The following VPS13D variants were observed in gnomAD, a reference collection of about 807,000 sequenced individuals.
The protein encoded by VPS13D is intermembrane lipid transfer protein VPS13D.
A neutral mutation model predicts 461.9 loss-of-function variants in VPS13D; 187 were observed. That is an observed-to-expected ratio of 0.40 (90% CI 0.36 to 0.46). VPS13D has a LOEUF of 0.46. Ranked by LOEUF, VPS13D falls within the 20% of genes least tolerant of loss-of-function variation. VPS13D has a pLI of 0.60. For missense variants in VPS13D, 4,711 were observed against 5,364.9 expected (o/e 0.88, Z 3.81); for synonymous variants, 1,951 against 1,986.3 (o/e 0.98, Z 0.47).
At chr1:12,489,592 A>G (rs1645848398) in intron 67 of VPS13D, among the ~76,000 whole-genome samples, 1 of 152,216 alleles carries the variant, frequency 6.6e-6, no homozygotes, top group African/African-American at 2.4e-5. Flanking sequence ...AGTTTGAAGC[A>G]GTGAGCCTCC....
chr1:12,361,954 G>C (rs1438049614), intron 50 of VPS13D, among the ~76,000 whole-genome samples: 1 of 152,150 alleles, frequency 6.6e-6, no homozygotes, highest in Non-Finnish European at 1.5e-5. Context: ...TGCCTCCCAA[G>C]TTCAAGCAAT....
chr1:12,322,705 A>C lies in VPS13D; in HGVS notation c.7874A>C (p.Glu2625Ala). ...CCAGGTGCATCTCGCGTTGGAGAGG[A>C]AATCAGAGAAGGGACAAGACACACC... is the stretch of plus-strand genomic sequence containing the variant. Reference protein sequence around the residue: ...YLPGASRVGEEIREGTRHTLD... With the variant: ...YLPGASRVGEAIREGTRHTLD... The change falls in exon 34 of 70, where the codon GAA becomes GCA. Residue 2625 changes from glutamate to alanine, a missense_variant. Transcript: ENST00000620676. The C allele has an allele frequency of 6.2e-7, 1 of 1,614,204 alleles. No homozygotes were observed.
In VPS13D at chr1:12,415,123, T is replaced by C. The variant is rs1483707949; in HGVS notation, c.12067T>C (p.Phe4023Leu). 6.2e-7 allele frequency: 1 copy of C among 1,613,998 alleles called. No homozygotes were observed. The highest frequency in any genetic ancestry group is 8.5e-7 in the Non-Finnish European group (1 of 1,180,014). Residue 4023 changes from phenylalanine (F) to leucine (L), a missense_variant, in exon 64 of 70, where the codon TTT becomes CTT. By Grantham distance (22) the Phe-to-Leu change is conservative. This residue lies in a region of VPS13D where 4,411 missense variants were observed against 4,937.8 expected (regional missense o/e 0.89). Coordinates refer to ENST00000620676, the MANE Select transcript of VPS13D (RefSeq NM_015378.4). ...KSTLGFPLIR[F>L]EDAVINLDPF... ...CACCTTGGGGTTTCCTTTGATACGG[T>C]TTGAAGACGCTGTGATTAATCTAGA...
At chr1:12,261,279 G>C in intron 12 of VPS13D, 130 bp downstream of exon 12, 3 of 1,101,970 alleles carry the variant, frequency 2.7e-6, no homozygotes, top group Non-Finnish European at 3.9e-6. Flanking sequence ...GAGGCTGAGA[G>C]AAGAAGTATT....
intron 24 of VPS13D, 138 bp downstream of exon 24, chr1:12,293,842 A>G: frequency 2.3e-6 from 2 of 852,848 alleles, no homozygotes; most frequent in Non-Finnish European, 1.7e-6. Flanking sequence ...AGCTACAGAC[A>G]TCTTTGTGTA....
At chr1:12,330,024 G>T in intron 37 of VPS13D, 106 bp downstream of exon 37, 5 of 554,342 alleles carry the variant, frequency 9.0e-6, no homozygotes, top group Non-Finnish European at 1.6e-5. Flanking sequence ...CAGGGGTGGG[G>T]TGGGACGGGG....
At chr1:12,372,473 G>A (rs531363400) in intron 54 of VPS13D, among the ~76,000 whole-genome samples, 6 of 152,226 alleles carry the variant, frequency 3.9e-5, no homozygotes, top group South Asian at 2.1e-4. Flanking sequence ...GATGTTATGC[G>A]TCTTTTCATG....
chr1:12,331,345 T>A (rs763268710), intron 37 of VPS13D, among the ~76,000 whole-genome samples: 29 of 152,286 alleles, frequency 1.9e-4, no homozygotes, highest in Non-Finnish European at 3.4e-4. Context: ...TCTAGAGTAT[T>A]TATCACATTT....
rs1487525020 is a variant in VPS13D, at chr1:12,308,614, A to G, written c.6623A>G (p.Lys2208Arg). Reference protein sequence around the residue: ...GSLLTEPCRLKLQVERNLDKE... With the variant: ...GSLLTEPCRLRLQVERNLDKE... ...CTCTTAACCGAGCCTTGTAGGCTGA[A>G]ATTGCAGGTGGAAAGGAATTTGGAC... The change falls in exon 27 of 70, where the codon AAA (lysine) becomes AGA (arginine). Residue 2208 changes from lysine to arginine, a missense_variant. Lys to Arg is a conservative substitution (Grantham distance 26, BLOSUM62 2). Transcript: ENST00000620676. The G allele has an allele frequency of 6.2e-7, 1 of 1,613,780 alleles. No homozygotes were observed. Among genetic ancestry groups the G allele is most frequent in the Non-Finnish European group, 8.5e-7 (1 of 1,179,956 alleles).
intron 40 of VPS13D, among the ~76,000 whole-genome samples, chr1:12,340,361 G>A (rs1343215457): frequency 6.6e-6 from 1 of 152,138 alleles, no homozygotes; most frequent in Non-Finnish European, 1.5e-5. Context: ...CTATATCTTA[G>A]ACTCCCCTGA....
At chr1:12,290,400 G>C (rs1332370669) in intron 22 of VPS13D, among the ~76,000 whole-genome samples, 1 of 152,106 alleles carries the variant, frequency 6.6e-6, no homozygotes, top group African/African-American at 2.4e-5. Flanking sequence ...TCAAGTTTCT[G>C]TCTGTATTTA....
At chr1:12,242,068 T>G (rs939083283) in intron 2 of VPS13D, among the ~76,000 whole-genome samples, 1 of 151,676 alleles carries the variant, frequency 6.6e-6, no homozygotes, top group African/African-American at 2.4e-5. Flanking sequence ...TTTTAAAGGT[T>G]GATAAAAAAA....
intron 13 of VPS13D, among the ~76,000 whole-genome samples, chr1:12,263,339 G>A (rs925862857): frequency 4.6e-5 from 7 of 152,174 alleles, no homozygotes; most frequent in African/African-American, 1.2e-4. Flanking sequence ...GAGGCAGAGC[G>A]TTGCCATGTT....
rs778797690 is a variant in VPS13D at position 12,349,363 on chromosome 1, C to T, written c.9420C>T (p.Ser3140=). 4 of 1,613,776 alleles carry T rather than the reference C, an allele frequency of 2.5e-6. No individual in the cohort carries two copies. The highest frequency in any genetic ancestry group is 1.1e-5 in the South Asian group (1 of 91,078). The part of the protein sequence containing the change: ...RECHSMDTEK[S]RFFRFCVAIK... The stretch of plus-strand genomic sequence containing the variant: ...GCCACTCTATGGACACAGAAAAAAG[C>T]CGATTTTTCAGGTATGTAGCACCAC... Residue 3140 remains serine, a synonymous_variant, in exon 46 of 70, where the codon AGC becomes AGT. Coordinates refer to ENST00000620676, the MANE Select transcript of VPS13D (RefSeq NM_015378.4).
At chr1:12,255,876 C>G (rs1377291995) in intron 7 of VPS13D, among the ~76,000 whole-genome samples, 4 of 115,958 alleles carry the variant, frequency 3.4e-5, no homozygotes, top group Non-Finnish European at 7.0e-5. Context: ...GGCAACAGAG[C>G]AAGACTCGTC....
chr1:12,323,382 ATTTTAAGCTG>A (rs1420596865), intron 34 of VPS13D, among the ~76,000 whole-genome samples: 3 of 151,894 alleles, frequency 2.0e-5, no homozygotes, highest in Non-Finnish European at 4.4e-5. Flanking sequence ...CCCACCTCTA[ATTTTAAGCTG>A]TTTCAAACAC....
intron 46 of VPS13D, among the ~76,000 whole-genome samples, chr1:12,350,876 C>G (rs1361216960): frequency 6.6e-6 from 1 of 152,058 alleles, no homozygotes; most frequent in African/African-American, 2.4e-5. Flanking sequence ...TATTACAGAT[C>G]CTATAGACAT....
chr1:12,283,612 C>T lies in VPS13D; in HGVS notation c.5510C>T (p.Ser1837Phe), dbSNP rs1234450182. ...VVILDFFGIG[S>F]TADNHAMRLP... ...ATATTAGACTTTTTTGGAATCGGCT[C>T]CACTGCAGACAACCACGCAATGAGG... Residue 1837 changes from serine (S) to phenylalanine (F), a missense_variant, in exon 21 of 70, where the codon TCC (serine) becomes TTC (phenylalanine). Transcript: ENST00000620676. The T allele has an allele frequency of 1.2e-6, 2 of 1,614,196 alleles. No individual in the cohort carries two copies. The highest frequency in any genetic ancestry group is 1.7e-6 in the Non-Finnish European group (2 of 1,180,026).
rs1643048320 is a variant in VPS13D at position 12,321,915 on chromosome 1, C to T, written c.7655C>T (p.Ser2552Leu). 4 of 1,613,442 alleles carry T rather than the reference C, an allele frequency of 2.5e-6. No homozygotes were observed. The highest frequency in any genetic ancestry group is 1.6e-4 in the Middle Eastern group (1 of 6,080). Residue 2552 changes from serine (S) to leucine (L), a missense_variant, in exon 33 of 70, where the codon TCA (serine) becomes TTA (leucine). Physicochemically the swap from Ser to Leu is moderately radical, Grantham distance 145. This residue lies in a region of VPS13D where 4,411 missense variants were observed against 4,937.8 expected (regional missense o/e 0.89). Transcript: ENST00000620676. The stretch of plus-strand genomic sequence containing the variant: ...GGGAATTCTTCTTATCAAAATAGTT[C>T]AGGATTGATGGATGCATTCAATAGT... ...LVGNSSYQNSSGLMDAFNSED... is the reference protein window; with the variant it reads ...LVGNSSYQNSLGLMDAFNSED...
Sources: allele counts gnomAD v4.1 joint callset (sites outside exome capture counted in the v4.1 genomes callset), GRCh38; gene constraint gnomAD v4.1.1; regional missense constraint gnomAD v4.1.1; transcripts MANE v1.5; gene names NCBI Gene and HGNC (gene_info 2026-07-23, HGNC 2026-07-21).